The following PLCG2 variants were observed in gnomAD, a reference collection of about 807,000 sequenced individuals.
PLCG2 encodes phospholipase C gamma 2.
In PLCG2, 69 loss-of-function variants were observed where a neutral mutation model predicts 175.6. The ratio of observed to expected loss-of-function variants is 0.39; its 90% CI spans 0.32 to 0.48. The LOEUF is 0.48. Ranked by LOEUF, PLCG2 falls within the 20% of genes least tolerant of loss-of-function variation. PLCG2 has a pLI of 0.91. For missense variants in PLCG2, 1,798 were observed against 1,650.9 expected (o/e 1.09, Z -1.54); for synonymous variants, 827 against 624.0 (o/e 1.33, Z -4.85).
At chr16:81,924,922 G>C (rs1478209138) in intron 22 of PLCG2, among the ~76,000 whole-genome samples, 2 of 152,264 alleles carry the variant, frequency 1.3e-5, no homozygotes, top group African/African-American at 4.8e-5. Context: ...TCCACTCGAA[G>C]TGGCACAGAG....
At chr16:81,804,543 C>G (rs565637474) in intron 2 of PLCG2, among the ~76,000 whole-genome samples, 1 of 152,228 alleles carries the variant, frequency 6.6e-6, no homozygotes, top group African/African-American at 2.4e-5. Context: ...TTTTAACCAT[C>G]ACTTCTGCTT....
intron 31 of PLCG2, among the ~76,000 whole-genome samples, chr16:81,954,713 C>T (rs112236064): frequency 6.6e-6 from 1 of 152,246 alleles, no homozygotes; most frequent in South Asian, 2.1e-4. Context: ...TGTATATGTA[C>T]CACATTTTCT....
At chr16:81,861,619 G>A (rs534604852) in intron 5 of PLCG2, among the ~76,000 whole-genome samples, 3 of 152,278 alleles carry the variant, frequency 2.0e-5, no homozygotes, top group Admixed American at 2.0e-4. Flanking sequence ...TGCTTGTGTT[G>A]GAAGATTTGG....
chr16:81,929,888 C>A (rs762916938), intron 24 of PLCG2, among the ~76,000 whole-genome samples: 6 of 152,246 alleles, frequency 3.9e-5, no homozygotes, highest in Non-Finnish European at 8.8e-5. Context: ...TTTGTATCAT[C>A]TTCCCCCATC....
At chr16:81,941,041 T>G (rs1320262476) in intron 30 of PLCG2, among the ~76,000 whole-genome samples, 1 of 152,226 alleles carries the variant, frequency 6.6e-6, no homozygotes, top group South Asian at 2.1e-4. Context: ...GACTGTCATT[T>G]TAGTTACTTA....
intron 7 of PLCG2, among the ~76,000 whole-genome samples, chr16:81,879,993 T>A (rs555215253): frequency 6.6e-6 from 1 of 152,318 alleles, no homozygotes; most frequent in African/African-American, 2.4e-5. Context: ...TAATCCCAGC[T>A]ACTGAGGGGG....
chr16:81,895,955 G>T, intron 13 of PLCG2, 28 bp downstream of exon 13: 1 of 1,613,766 alleles, frequency 6.2e-7, no homozygotes, highest in South Asian at 1.1e-5. Flanking sequence ...TGGGTGGTGT[G>T]ACTTAAAGGG....
intron 27 of PLCG2, among the ~76,000 whole-genome samples, chr16:81,936,819 G>C (rs1028502001): frequency 2.0e-5 from 3 of 152,172 alleles, no homozygotes; most frequent in African/African-American, 7.2e-5. Flanking sequence ...TTGTGCTTTT[G>C]TTGTTGTTAT....
intron 18 of PLCG2, among the ~76,000 whole-genome samples, chr16:81,910,968 G>T (rs1325105610): frequency 6.6e-6 from 1 of 151,836 alleles, no homozygotes; most frequent in Non-Finnish European, 1.5e-5. Flanking sequence ...TCATAGCCCC[G>T]AGACTTTGGG....
At chr16:81,885,700 A>T (rs1270549288) in intron 9 of PLCG2, among the ~76,000 whole-genome samples, 1 of 152,136 alleles carries the variant, frequency 6.6e-6, no homozygotes, top group South Asian at 2.1e-4. Context: ...ATGCCATCCG[A>T]TACCCAGCCT....
intron 2 of PLCG2, among the ~76,000 whole-genome samples, chr16:81,845,712 G>C (rs970387775): frequency 4.6e-5 from 7 of 152,342 alleles, no homozygotes; most frequent in African/African-American, 1.7e-4. Flanking sequence ...CTGCACCCCT[G>C]TGGGTAGTGG....
intron 1 of PLCG2, among the ~76,000 whole-genome samples, chr16:81,743,128 C>T (rs1188442496): frequency 6.6e-6 from 1 of 151,872 alleles, no homozygotes; most frequent in African/African-American, 2.4e-5. Context: ...TAGTGAGTCT[C>T]TGTCTCTACT....
At chr16:81,743,753 A>C (rs1909646248) in intron 1 of PLCG2, among the ~76,000 whole-genome samples, 1 of 152,174 alleles carries the variant, frequency 6.6e-6, no homozygotes, top group Non-Finnish European at 1.5e-5. Context: ...GAGAGTGGCG[A>C]GATGAAGAAA....
At chr16:81,917,554 C>G (rs1415245705) in intron 19 of PLCG2, among the ~76,000 whole-genome samples, 1 of 152,196 alleles carries the variant, frequency 6.6e-6, no homozygotes, top group Non-Finnish European at 1.5e-5. Context: ...CCCACCAGCA[C>G]TTCTCCTTTA....
chr16:81,930,490 G>T (rs979342484), intron 24 of PLCG2, among the ~76,000 whole-genome samples: 7 of 152,112 alleles, frequency 4.6e-5, no homozygotes, highest in African/African-American at 1.7e-4. Context: ...GCTCATTCCT[G>T]TAATCCCAGC....
chr16:81,786,319 A>G, intron 2 of PLCG2, 137 bp downstream of exon 2: 4 of 742,558 alleles, frequency 5.4e-6, no homozygotes, highest in East Asian at 2.7e-5. Flanking sequence ...AAATGAAAGC[A>G]TTGCCAGTTT....
At chr16:81,806,835 G>C (rs929060624) in intron 2 of PLCG2, among the ~76,000 whole-genome samples, 8 of 151,838 alleles carry the variant, frequency 5.3e-5, no homozygotes, top group Admixed American at 1.3e-4. Flanking sequence ...CAAAGCCTTC[G>C]AGGTGGGGCA....
intron 2 of PLCG2, among the ~76,000 whole-genome samples, chr16:81,771,057 CAAA>C (rs762815312): frequency 4.2e-5 from 4 of 94,574 alleles, no homozygotes; most frequent in African/African-American, 2.0e-4. Context: ...GACTCCATCT[CAAA>C]AAAAAAAAAA....
chr16:81,885,073 A>G (rs944338445), intron 9 of PLCG2, among the ~76,000 whole-genome samples: 3 of 145,544 alleles, frequency 2.1e-5, no homozygotes, highest in African/African-American at 7.7e-5. Context: ...TTTTTTTGAG[A>G]TAGAGTCTTG....
Sources: allele counts gnomAD v4.1 joint callset (sites outside exome capture counted in the v4.1 genomes callset), GRCh38; gene constraint gnomAD v4.1.1; transcripts MANE v1.5; gene names NCBI Gene and HGNC (gene_info 2026-07-23, HGNC 2026-07-21).